The following RNF208 variants were observed in gnomAD, a reference collection of about 807,000 sequenced individuals.
RNF208 encodes ring finger protein 208.
In RNF208, 7 loss-of-function variants were observed where a neutral mutation model predicts 15.2. The ratio of observed to expected loss-of-function variants is 0.46; its 90% confidence interval spans 0.26 to 0.86. The LOEUF (loss-of-function observed/expected upper bound fraction) is 0.86. Among genes scored for constraint, RNF208 ranks in the 40% least tolerant of loss-of-function variants. The pLI is 0.16. For synonymous variants in RNF208, 211 were observed against 163.2 expected (o/e 1.29, Z -2.23); for missense variants, 342 against 364.1 (o/e 0.94, Z 0.49).
rs773555265 is a variant in RNF208 at position 137,220,502 on chromosome 9, C to G, written c.711G>C (p.Gln237His). 1.2e-6 allele frequency: 2 copies of G among 1,601,862 alleles called. No individual in the cohort carries two copies. The highest frequency in any genetic ancestry group is 1.7e-6 in the Non-Finnish European group (2 of 1,175,520). The change falls in exon 2 of 2, where the codon CAG (glutamine) becomes CAC (histidine). Residue 237 changes from glutamine to histidine, a missense_variant. Transcript: ENST00000391553. ...CGGCCCCACAGTACTGCCGGAAGGT[C>G]TGGTAGCAGCTGCCCTCGGGCTCAG... Reference protein sequence around the residue: ...WGAEPEGSCYQTFRQYCGAAC... With the variant: ...WGAEPEGSCYHTFRQYCGAAC...
Position 137,220,621 on chromosome 9 carries a change from C to T in RNF208, c.592G>A (p.Asp198Asn). Residue 198 changes from aspartate to asparagine, a missense_variant, in exon 2 of 2, where the codon GAC becomes AAC. By Grantham distance (23) the Asp-to-Asn change is conservative. Around this residue, in one of 3 missense-constraint regions of RNF208, gnomAD observed 76 missense variants for 118.0 expected, o/e 0.64. Coordinates refer to ENST00000391553, the MANE Select transcript of RNF208 (RefSeq NM_031297.7). Reference protein sequence around the residue: ...TCRRETVLFTDYGLAALAVNT... With the variant: ...TCRRETVLFTNYGLAALAVNT... ...ACAGCCAGCGCGGCCAGGCCGTAGTCGGTGAAGAGCACAGTCTCACGGCGG... is the reference window on the plus strand; with the variant it reads ...ACAGCCAGCGCGGCCAGGCCGTAGTTGGTGAAGAGCACAGTCTCACGGCGG... The T allele has an allele frequency of 6.2e-7, 1 of 1,612,460 alleles. No individual in the cohort carries two copies. The highest frequency in any genetic ancestry group is 8.5e-7 in the Non-Finnish European group (1 of 1,179,858).
upstream of RNF208, among the ~76,000 whole-genome samples, chr9:137,222,465 C>A (rs1835886703): frequency 6.6e-6 from 1 of 152,072 alleles, no homozygotes; most frequent in Middle Eastern, 3.4e-3. Context: ...CAAGCCCCCG[C>A]CCCCCCAGAT....
At position 137,220,742 on chromosome 9, in the gene RNF208, G is replaced by C. The variant is rs1260985565; in HGVS notation, c.471C>G (p.Pro157=). ...GHSYNVTQRR[P]RVLSCLHSVC... ...CAGAGTGCAGGCAGGACAGCACGCG[G>C]GGCCTCCGCTGGGTGACATTGTAGG... The change falls in exon 2 of 2, where the codon CCC becomes CCG. Residue 157 remains proline, a synonymous_variant. Transcript: ENST00000391553. 6.2e-7 allele frequency: 1 copy of C among 1,612,422 alleles called. No homozygotes were observed. The highest frequency in any genetic ancestry group is 2.2e-5 in the East Asian group (1 of 44,874).
upstream of RNF208, among the ~76,000 whole-genome samples, chr9:137,222,897 C>T (rs904083860): frequency 7.9e-5 from 12 of 152,226 alleles, no homozygotes; most frequent in African/African-American, 2.9e-4. Flanking sequence ...CGGGGCTTCC[C>T]TGCCCTCCTG....
At position 137,221,249 on chromosome 9, in the gene RNF208, T is replaced by TGGGGGG; in HGVS notation, c.-38_-37insCCCCCC. On this transcript the variant is annotated 5_prime_UTR_variant, in exon 2 of 2. Coordinates refer to ENST00000391553, the MANE Select transcript of RNF208 (RefSeq NM_031297.7). Reference sequence around the variant, plus strand: ...CAGTCAGACTGGATGTTCGGGTGGGTGGGGGCGTTGTGTGGGGCTGGGGGG... The same window carrying TGGGGGG: ...CAGTCAGACTGGATGTTCGGGTGGGTGGGGGGGGGGGCGTTGTGTGGGGCTGGGGGG... The TGGGGGG allele has an allele frequency of 7.2e-6, 1 of 139,540 alleles. No homozygotes were observed. The highest frequency in any genetic ancestry group is 2.7e-4 in the Admixed American group (1 of 3,716). The allele number at this position is 139,540 out of a possible 1,614,324, so 8.6% of individuals were successfully genotyped here. A position where few individuals can be genotyped will look rare whatever the true frequency, so the allele number is the denominator to read the frequency against.
Position 137,221,310 on chromosome 9 carries a change from T to A in RNF208, c.-98A>T. The A allele has an allele frequency of 1.8e-6, 1 of 562,198 alleles. No homozygotes were observed. Among genetic ancestry groups the A allele is most frequent in the Non-Finnish European group, 2.4e-6 (1 of 409,748 alleles). The allele number at this position is 562,198 out of a possible 1,614,324, so 34.8% of individuals were successfully genotyped here. Reference sequence around the variant, plus strand: ...GGCAGCATCCTGGTCCCGCCAGGCCTGGGGGGGGCCCCGGACGGCCCGTGG... The same window carrying A: ...GGCAGCATCCTGGTCCCGCCAGGCCAGGGGGGGGCCCCGGACGGCCCGTGG... On this transcript the variant is annotated 5_prime_UTR_variant, in exon 2 of 2. Coordinates refer to ENST00000391553, the MANE Select transcript of RNF208 (RefSeq NM_031297.7).
In RNF208 at chr9:137,220,445, G is replaced by C; in HGVS notation, c.768C>G (p.Ser256=). ...GGCGCTACTACATGATGGAGCAGGCGGACAGTGGGTTCCGCACGTGGCAGG... is the reference window on the plus strand; with the variant it reads ...GGCGCTACTACATGATGGAGCAGGCCGACAGTGGGTTCCGCACGTGGCAGG... ...ACTCHVRNPL[S]ACSIM is the part of the protein sequence containing the mutation. Residue 256 remains serine, a synonymous_variant, in exon 2 of 2, where the codon TCC becomes TCG. Transcript: ENST00000391553. 2 of 1,590,190 alleles carry C rather than the reference G, an allele frequency of 1.3e-6. No homozygotes were observed. The highest frequency in any genetic ancestry group is 1.7e-6 in the Non-Finnish European group (2 of 1,167,022).
Position 137,220,849 on chromosome 9 carries a change from C to G in RNF208, c.364G>C (p.Val122Leu), listed in dbSNP as rs1362420468. ...GAGGCCGAGGGGCCAGGCCGAATCA[C>G]GTACTGATTCACAATGACCTCATCC... ...PEDEVIVNQY[V>L]IRPGPSASAA... is the part of the protein sequence containing the mutation. Residue 122 changes from valine to leucine, a missense_variant, in exon 2 of 2, where the codon GTG becomes CTG. This residue lies in a region of RNF208 where 207 missense variants were observed against 193.7 expected (regional missense o/e 1.07). Transcript: ENST00000391553. 6.2e-7 allele frequency: 1 copy of G among 1,602,458 alleles called. No homozygotes were observed. The highest frequency in any genetic ancestry group is 8.5e-7 in the Non-Finnish European group (1 of 1,174,190).
rs1835869078 is a variant in RNF208 at position 137,221,376 on chromosome 9, C to A, written c.-164G>T. The A allele has an allele frequency of 1.4e-5, 6 of 422,724 alleles. No individual in the cohort carries two copies. 26.2% of individuals were successfully genotyped at this position (422,724 alleles called of 1,614,324 possible). On this transcript the variant is annotated 5_prime_UTR_variant, in exon 2 of 2. Transcript: ENST00000391553. ...CGGCGAGAGTTGGGGGTGCAGGGCC[C>A]CCCCCAGTGGCCACAGTGGCTTCTC... is the stretch of plus-strand genomic sequence containing the variant.
At position 137,220,973 on chromosome 9, in the gene RNF208, C is replaced by T. The variant is rs777766977; in HGVS notation, c.240G>A (p.Gly80=). The T allele has an allele frequency of 3.2e-6, 5 of 1,550,350 alleles. No individual in the cohort carries two copies. In the South Asian group the frequency reaches 4.8e-5, roughly 15 times the overall value. Residue 80 remains glycine, a synonymous_variant, in exon 2 of 2, where the codon GGG becomes GGA. Transcript: ENST00000391553. ...TEIIVNQACG[G]DMPALEGAPH... ...GTGCCCCTTCCAAGGCAGGCATGTC[C>T]CCCCCACAGGCCTGGTTGACAATGA... is the stretch of plus-strand genomic sequence containing the variant.
At position 137,220,264 on chromosome 9, in the gene RNF208, CA is replaced by C; in HGVS notation, c.*162del. The C allele has an allele frequency of 3.7e-6, 3 of 805,538 alleles. No individual in the cohort carries two copies. The South Asian group carries it at 5.5e-5, about 15-fold the overall frequency. The allele number at this position is 805,538 out of a possible 1,614,324, so 49.9% of individuals were successfully genotyped here. On this transcript the variant is annotated 3_prime_UTR_variant, in exon 2 of 2. Transcript: ENST00000391553. ...GTCCAGGAACAGGTGCAAACTTTGG[CA>C]AAGAGTTTTAATGGCAAAGTTGGCT...
In RNF208 at chr9:137,220,420, G is replaced by A. The variant is rs111601109; in HGVS notation, c.*7C>T. 1 of 1,553,124 alleles carries A rather than the reference G, an allele frequency of 6.4e-7. No individual in the cohort carries two copies. Among genetic ancestry groups the A allele is most frequent in the East Asian group, 2.3e-5 (1 of 43,332 alleles). ...CTCAGCGGGCAGTGGCGGGCAGGCA[G>A]GCGCTACTACATGATGGAGCAGGCG... On this transcript the variant is annotated 3_prime_UTR_variant, in exon 2 of 2. Coordinates refer to ENST00000391553, the MANE Select transcript of RNF208 (RefSeq NM_031297.7).
rs1835881209 is a variant in RNF208 at position 137,222,187 on chromosome 9, G to C, written c.-725C>G. ...GGCGCGGGCGTGGGGCGCGGGGCGC[G>C]GGTTTCGGCACGGCGGCGACGGCGG... On this transcript the variant is annotated 5_prime_UTR_variant, in exon 1 of 2. Transcript: ENST00000391553. Among the ~76,000 whole-genome samples the C allele has an allele frequency of 6.8e-6, 1 of 146,238 alleles. No individual in the cohort carries two copies. Among genetic ancestry groups the C allele is most frequent in the African/African-American group, 2.4e-5 (1 of 40,824 alleles).
chr9:137,222,867 G>A (rs1446520573), upstream of RNF208, among the ~76,000 whole-genome samples: 1 of 152,188 alleles, frequency 6.6e-6, no homozygotes, highest in African/African-American at 2.4e-5. Flanking sequence ...CGCAGGCCCG[G>A]GCCTCTCCGC....
In RNF208 at chr9:137,220,673, C is replaced by T. The variant is rs1564408085; in HGVS notation, c.540G>A (p.Lys180=). The T allele has an allele frequency of 6.2e-7, 1 of 1,612,604 alleles. No individual in the cohort carries two copies. Among genetic ancestry groups the T allele is most frequent in the African/African-American group, 1.3e-5 (1 of 75,050 alleles). ...AGGTGGGGCAGGAGATGAACTTGTA[C>T]TTGGGGCAGGACTCGTAGAGAATCT... The part of the protein sequence containing the change: ...CLQILYESCP[K]YKFISCPTCR... Residue 180 remains lysine (K), a synonymous_variant, in exon 2 of 2, where the codon AAG becomes AAA. Transcript: ENST00000391553.
rs1835864691 is a variant in RNF208, at chr9:137,221,208, G to A, written c.5C>T (p.Pro2Leu). Residue 2 changes from proline (P) to leucine (L), a missense_variant, in exon 2 of 2, where the codon CCC becomes CTC. Physicochemically the swap from Pro to Leu is moderately conservative, Grantham distance 98 (BLOSUM62 -3). Transcript: ENST00000391553. The part of the protein sequence containing the change: M[P>L]SDPGPEAGSG... ...GCCCGCCTCGGGCCCGGGGTCAGAG[G>A]GCATCCGGCTGTCTCCAGTCAGACT... The A allele has an allele frequency of 2.7e-6, 4 of 1,483,216 alleles. No homozygotes were observed. The highest frequency in any genetic ancestry group is 2.4e-5 in the East Asian group (1 of 42,108). The allele number at this position is 1,483,216 out of a possible 1,614,324, so 91.9% of individuals were successfully genotyped here.
rs768178758 is a variant in RNF208 at position 137,221,022 on chromosome 9, C to A, written c.191G>T (p.Arg64Leu). 58 of 1,584,520 alleles carry A rather than the reference C, an allele frequency of 3.7e-5. No homozygotes were observed. Among genetic ancestry groups the A allele is most frequent in the Non-Finnish European group, 4.8e-5 (56 of 1,165,000 alleles). The change falls in exon 2 of 2, where the codon CGT becomes CTT. Residue 64 changes from arginine to leucine, a missense_variant. Physicochemically the swap from Arg to Leu is moderately radical, Grantham distance 102. Around this residue, in one of 3 missense-constraint regions of RNF208, gnomAD observed 207 missense variants for 193.7 expected, o/e 1.07. Transcript: ENST00000391553. ...PRPTPTLAPK[R>L]AWPSDTEIIV... ...GATCTCTGTGTCTGAGGGCCAGGCA[C>A]GCTTGGGTGCCAGAGTTGGGGTGGG...
rs1435493023 is a variant in RNF208 at position 137,221,374 on chromosome 9, C to G, written c.-162G>C. On this transcript the variant is annotated 5_prime_UTR_variant, in exon 2 of 2. Coordinates refer to ENST00000391553, the MANE Select transcript of RNF208 (RefSeq NM_031297.7). ...GCCGGCGAGAGTTGGGGGTGCAGGG[C>G]CCCCCCCAGTGGCCACAGTGGCTTC... 2 of 411,354 alleles carry G rather than the reference C, an allele frequency of 4.9e-6. No individual in the cohort carries two copies. The highest frequency in any genetic ancestry group is 8.5e-6 in the Non-Finnish European group (2 of 234,402). The allele number at this position is 411,354 out of a possible 1,614,324, so 25.5% of individuals were successfully genotyped here.
upstream of RNF208, among the ~76,000 whole-genome samples, chr9:137,222,308 G>A (rs1835883584): frequency 6.7e-6 from 1 of 148,510 alleles, no homozygotes; most frequent in African/African-American, 2.4e-5. Context: ...CCCCCCGTCT[G>A]GGGACCCGCG....
Sources: allele counts gnomAD v4.1 joint callset (sites outside exome capture counted in the v4.1 genomes callset), GRCh38; gene constraint gnomAD v4.1.1; regional missense constraint gnomAD v4.1.1; transcripts MANE v1.5; gene names NCBI Gene and HGNC (gene_info 2026-07-23, HGNC 2026-07-21).